GRB14: variants seen among roughly 807,000 people sequenced by gnomAD.
GRB14 encodes growth factor receptor-bound protein 14.
GRB14 carries 38 observed loss-of-function variants against 69.1 expected under a neutral mutation model. The ratio of observed to expected loss-of-function variants is 0.55; its 90% CI spans 0.42 to 0.72. The LOEUF (loss-of-function observed/expected upper bound fraction) is 0.72, where lower values mean the gene tolerates loss of function less well. Ranked by LOEUF, GRB14 falls within the 30% of genes least tolerant of loss-of-function variation. The pLI, the probability that GRB14 is intolerant of heterozygous loss-of-function variation, is 0.00. For synonymous variants in GRB14, 247 were observed against 241.3 expected (o/e 1.02, Z -0.22); for missense variants, 666 against 666.1 (o/e 1.00, Z 0.00).
chr2:164,525,386 C>T (rs1232142761), intron 4 of GRB14, among the ~76,000 whole-genome samples: 1 of 151,986 alleles, frequency 6.6e-6, no homozygotes, highest in Non-Finnish European at 1.5e-5. Flanking sequence ...TTCCTGAGTC[C>T]CGCAACCAGC....
chr2:164,589,354 C>G (rs917981288), intron 2 of GRB14, among the ~76,000 whole-genome samples: 1 of 152,066 alleles, frequency 6.6e-6, no homozygotes, highest in African/African-American at 2.4e-5. Context: ...TATCCTTTGT[C>G]TTAGTCCATA....
At chr2:164,516,166 TC>T (rs1484998482) in intron 6 of GRB14, among the ~76,000 whole-genome samples, 1 of 151,894 alleles carries the variant, frequency 6.6e-6, no homozygotes, top group Admixed American at 6.6e-5. Flanking sequence ...AAAGAAAACT[TC>T]CCCAGCCTGC....
At chr2:164,562,188 C>A (rs939067273) in intron 2 of GRB14, among the ~76,000 whole-genome samples, 2 of 152,076 alleles carry the variant, frequency 1.3e-5, no homozygotes, top group African/African-American at 4.8e-5. Context: ...ATAGTAACAC[C>A]ACTTGCCTAC....
In GRB14 at chr2:164,508,783, T is replaced by A; in HGVS notation, c.886A>T (p.Lys296Ter). The change falls in exon 7 of 14, where the codon AAA (lysine) becomes TAA (stop). Residue 296 changes from lysine to a stop codon, truncating the protein, a stop_gained. Transcript: ENST00000263915. LOFTEE classifies it high-confidence loss of function. ...SDIYVSLAGKKKHGAPTNYGF... is the reference protein window; with the variant it reads ...SDIYVSLAGK ...TAGTTAGTCGGTGCTCCATGTTTTTTTTTGCCTGCCAGTGACACATAAATA... is the reference window on the plus strand; with the variant it reads ...TAGTTAGTCGGTGCTCCATGTTTTTATTTGCCTGCCAGTGACACATAAATA... The A allele has an allele frequency of 6.3e-7, 1 of 1,594,560 alleles. No individual in the cohort carries two copies. Among genetic ancestry groups the A allele is most frequent in the Non-Finnish European group, 8.5e-7 (1 of 1,173,900 alleles).
chr2:164,502,128 G>A (rs1687070686), intron 9 of GRB14, 127 bp downstream of exon 9: 1 of 527,084 alleles, frequency 1.9e-6, no homozygotes, highest in Middle Eastern at 5.2e-4. Flanking sequence ...TACTAGAATG[G>A]TGCCAAAGAG....
intron 11 of GRB14, 43 bp downstream of exon 11, chr2:164,497,168 G>A: frequency 1.9e-6 from 3 of 1,594,876 alleles, no homozygotes; most frequent in Non-Finnish European, 2.6e-6. Flanking sequence ...TCCTTTCCAT[G>A]TCTATCCGTC....
chr2:164,552,826 G>A (rs933994687), intron 2 of GRB14, among the ~76,000 whole-genome samples: 1 of 152,124 alleles, frequency 6.6e-6, no homozygotes, highest in African/African-American at 2.4e-5. Context: ...GGAATTCTGA[G>A]GCATGCTGCT....
intron 2 of GRB14, among the ~76,000 whole-genome samples, chr2:164,587,217 A>C (rs1460894515): frequency 6.6e-6 from 1 of 152,208 alleles, no homozygotes; most frequent in Non-Finnish European, 1.5e-5. Context: ...CATTTGCAAA[A>C]CTGGATGACA....
chr2:164,579,201 T>C (rs1689330803), intron 2 of GRB14, among the ~76,000 whole-genome samples: 1 of 152,178 alleles, frequency 6.6e-6, no homozygotes, highest in Admixed American at 6.5e-5. Context: ...TAAACCAGTT[T>C]CACCATGGGC....
chr2:164,548,995 A>G (rs1362376131), intron 2 of GRB14, among the ~76,000 whole-genome samples: 2 of 152,032 alleles, frequency 1.3e-5, no homozygotes, highest in Non-Finnish European at 2.9e-5. Flanking sequence ...CTCCTCTCTC[A>G]GCCTCCTGAG....
At position 164,527,045 on chromosome 2, in the gene GRB14, T is replaced by C. The variant is rs185209202; in HGVS notation, c.572A>G (p.Tyr191Cys). The C allele has an allele frequency of 4.4e-6, 7 of 1,599,370 alleles. No homozygotes were observed. The East Asian group carries it at 1.4e-4, about 31-fold the overall frequency. The change falls in exon 4 of 14, where the codon TAT becomes TGT. Residue 191 changes from tyrosine to cysteine, a missense_variant. Coordinates refer to ENST00000263915, the MANE Select transcript of GRB14 (RefSeq NM_004490.3). ...GTTTTTAAAGAACTCATATTTGGCA[T>C]AATTTTTTCTAAAGTATAGTTTGTT... is the stretch of plus-strand genomic sequence containing the variant. Reference protein sequence around the residue: ...EENKLYFRKNYAKYEFFKNPM... With the variant: ...EENKLYFRKNCAKYEFFKNPM...
intron 2 of GRB14, among the ~76,000 whole-genome samples, chr2:164,565,371 G>T (rs1020856179): frequency 2.0e-5 from 3 of 152,120 alleles, no homozygotes; most frequent in African/African-American, 7.2e-5. Context: ...GTTGGTGGAG[G>T]TGCAGAGGAA....
At chr2:164,606,374 A>T (rs983234500) in intron 2 of GRB14, among the ~76,000 whole-genome samples, 1 of 152,130 alleles carries the variant, frequency 6.6e-6, no homozygotes, top group Non-Finnish European at 1.5e-5. Context: ...ACATCCTTCA[A>T]CTTTAAAAGT....
intron 2 of GRB14, among the ~76,000 whole-genome samples, chr2:164,554,848 A>T (rs905986117): frequency 6.6e-6 from 1 of 152,054 alleles, no homozygotes; most frequent in Non-Finnish European, 1.5e-5. Context: ...GAAAGAGATT[A>T]AAAAAACTAA....
intron 3 of GRB14, among the ~76,000 whole-genome samples, chr2:164,533,180 C>G (rs568572460): frequency 4.4e-4 from 66 of 150,454 alleles, no homozygotes; most frequent in African/African-American, 1.6e-3. Context: ...ACTAAAATTG[C>G]TCTTTCATGC....
chr2:164,532,775 G>T (rs1687981117), intron 3 of GRB14, among the ~76,000 whole-genome samples: 1 of 152,148 alleles, frequency 6.6e-6, no homozygotes. Context: ...CACCAAATTT[G>T]TAATTTGTTA....
chr2:164,522,066 TC>T lies in GRB14; in HGVS notation c.729del (p.Glu245AsnfsTer14). 6.2e-7 allele frequency: 1 copy of T among 1,602,254 alleles called. No individual in the cohort carries two copies. The highest frequency in any genetic ancestry group is 8.5e-7 in the Non-Finnish European group (1 of 1,170,892). On this transcript the variant is annotated frameshift_variant, in exon 6 of 14. Transcript: ENST00000263915. LOFTEE classifies it high-confidence loss of function. ...TYPEIHGFLH[A>X]KEQGKKSWKK... ...TTCCAAGACTTCTTTCCCTGTTCTT[TC>T]GCATGTAAGAAACCATGAATTTCAG...
chr2:164,604,767 C>G (rs1244928256), intron 2 of GRB14, among the ~76,000 whole-genome samples: 1 of 152,054 alleles, frequency 6.6e-6, no homozygotes, highest in Non-Finnish European at 1.5e-5. Flanking sequence ...TGCAAAAGGT[C>G]ACATACTATA....
intron 3 of GRB14, among the ~76,000 whole-genome samples, chr2:164,546,245 C>T (rs546614170): frequency 1.6e-4 from 24 of 152,116 alleles, no homozygotes; most frequent in African/African-American, 5.3e-4. Flanking sequence ...TTCTACTTTG[C>T]GCTACTTTCT....
Sources: gnomAD v4.1 joint callset for allele counts (sites outside exome capture counted in the v4.1 genomes callset) on GRCh38, gnomAD v4.1.1 for gene constraint, MANE v1.5 for transcripts, NCBI Gene and HGNC (gene_info 2026-07-23, HGNC 2026-07-21) for gene names.